Variants in LATS1 observed in about 807,000 individuals in gnomAD.
LATS1 encodes the protein large tumor suppressor kinase 1.
Under a neutral mutation model 106.6 loss-of-function variants are expected in LATS1, and 25 were observed. The observed-to-expected ratio is 0.23, with a 90% CI of 0.17 to 0.33. The LOEUF (loss-of-function observed/expected upper bound fraction) is 0.33. Ranked by LOEUF, LATS1 falls within the 10% of genes least tolerant of loss-of-function variation. The probability of loss-of-function intolerance (pLI) is 1.00; values close to 1 mark genes in which losing one functional copy is unlikely to be tolerated. For synonymous variants in LATS1, 465 were observed against 455.6 expected (o/e 1.02, Z -0.26); for missense variants, 1,040 against 1,382.6 (o/e 0.75, Z 3.93).
In LATS1 at chr6:149,683,487, C is replaced by T. The variant is rs766078121; in HGVS notation, c.1602G>A (p.Glu534=). ...TCACAGTCACATTTGAAGCGGTTCC[C>T]TCAGGAAAAGGACTGGGTTGAACAG... is the stretch of plus-strand genomic sequence containing the variant. The part of the protein sequence containing the change: ...IQTVQPSPFP[E]GTASNVTVMP... Residue 534 remains glutamate (E), a synonymous_variant, in exon 4 of 8, where the codon GAG becomes GAA. Coordinates refer to ENST00000543571, the MANE Select transcript of LATS1 (RefSeq NM_004690.4). 2.5e-6 allele frequency: 4 copies of T among 1,614,042 alleles called. No individual in the cohort carries two copies. The South Asian group carries it at 4.4e-5, about 18-fold the overall frequency.
chr6:149,690,403 G>A (rs1782674460), intron 3 of LATS1, among the ~76,000 whole-genome samples: 1 of 151,422 alleles, frequency 6.6e-6, no homozygotes, highest in Admixed American at 6.6e-5. Context: ...ATTAGACACG[G>A]GGTTTCTCCA....
At chr6:149,690,466 G>T (rs1782679103) in intron 3 of LATS1, among the ~76,000 whole-genome samples, 1 of 151,632 alleles carries the variant, frequency 6.6e-6, no homozygotes, top group Non-Finnish European at 1.5e-5. Context: ...ACCCGCCCCA[G>T]CCTCCCAAAG....
Position 149,679,854 on chromosome 6 carries a change from A to C in LATS1, c.2593+21T>G, listed in dbSNP as rs146195919. 3.6e-4 allele frequency: 529 copies of C among 1,478,280 alleles called. 1 individual carries two copies. The African/African-American group carries it at 6.9e-3, about 19-fold the overall frequency. The allele number at this position is 1,478,280 out of a possible 1,614,324, so 91.6% of individuals were successfully genotyped here. On this transcript the variant is annotated intron_variant, in intron 5 of 7. Coordinates refer to ENST00000543571, the MANE Select transcript of LATS1 (RefSeq NM_004690.4). ...TACATTATTATGAACAAACTAAAAT[A>C]AATTTTATGAGTTTACTTACCACTC...
chr6:149,667,250 C>T (rs1470828340), intron 7 of LATS1, among the ~76,000 whole-genome samples: 1 of 151,666 alleles, frequency 6.6e-6, no homozygotes, highest in East Asian at 1.9e-4. Flanking sequence ...GCCTGGCCAA[C>T]ATGGTGAGAA....
At chr6:149,717,323 C>G (rs1184411944) in intron 1 of LATS1, among the ~76,000 whole-genome samples, 1 of 152,198 alleles carries the variant, frequency 6.6e-6, no homozygotes, top group Non-Finnish European at 1.5e-5. Context: ...TATACACACT[C>G]CTACTCCATA....
chr6:149,677,605 GAT>G (rs1781793915), intron 5 of LATS1, among the ~76,000 whole-genome samples: 1 of 152,266 alleles, frequency 6.6e-6, no homozygotes, highest in East Asian at 1.9e-4. Flanking sequence ...TCCATGTGAA[GAT>G]AGCCAGGAAG....
chr6:149,690,156 T>C (rs1402053509), intron 3 of LATS1, among the ~76,000 whole-genome samples: 1 of 152,028 alleles, frequency 6.6e-6, no homozygotes, highest in Admixed American at 6.6e-5. Context: ...CTTACGTCTG[T>C]TAAATACAAT....
rs767669044 is a variant in LATS1, at chr6:149,662,168, A to G, written c.2954T>C (p.Ile985Thr). 2 of 1,613,866 alleles carry G rather than the reference A, an allele frequency of 1.2e-6. No homozygotes were observed. Among genetic ancestry groups the G allele is most frequent in the Non-Finnish European group, 1.7e-6 (2 of 1,179,990 alleles). The change falls in exon 8 of 8, where the codon ATT becomes ACT. Residue 985 changes from isoleucine (I) to threonine (T), a missense_variant. Physicochemically the swap from Ile to Thr is moderately conservative, Grantham distance 89. Transcript: ENST00000543571. ...AKLSPEASDL[I>T]IKLCRGPEDR... is the part of the protein sequence containing the mutation. ...TTCGGGTCCTCGGCAAAGTTTAATA[A>G]TAAGATCAGAAGCTTCAGGACTGAG...
intron 2 of LATS1, among the ~76,000 whole-genome samples, chr6:149,701,480 C>T (rs746077891): frequency 5.3e-5 from 8 of 152,212 alleles, no homozygotes; most frequent in Admixed American, 6.5e-5. Context: ...GATGTCCTTC[C>T]CCTACCCTCA....
At chr6:149,709,616 T>C (rs1783976723) in intron 1 of LATS1, among the ~76,000 whole-genome samples, 1 of 150,872 alleles carries the variant, frequency 6.6e-6, no homozygotes, top group Non-Finnish European at 1.5e-5. Context: ...AGACATTCCT[T>C]CCTATTGATT....
At chr6:149,695,250 G>A (rs1554235847) in intron 2 of LATS1, 29 bp from the exon 3 acceptor site, 6 of 1,444,470 alleles carry the variant, frequency 4.2e-6, no homozygotes, top group South Asian at 1.2e-5. Flanking sequence ...TAAAAAAAAA[G>A]AAACAAAATT....
chr6:149,698,239 CTTT>C (rs36006005), intron 2 of LATS1, among the ~76,000 whole-genome samples: 132 of 146,260 alleles, frequency 9.0e-4, no homozygotes, highest in Admixed American at 1.6e-3. Context: ...GAATGGGAGT[CTTT>C]TTTTTTTTTT....
chr6:149,709,501 AC>A (rs1783969367), intron 1 of LATS1, among the ~76,000 whole-genome samples: 1 of 152,008 alleles, frequency 6.6e-6, no homozygotes, highest in African/African-American at 2.4e-5. Context: ...GAGAGAATCA[AC>A]CCTGATAAGA....
intron 1 of LATS1, among the ~76,000 whole-genome samples, chr6:149,711,500 T>C (rs538020304): frequency 6.6e-5 from 10 of 152,206 alleles, no homozygotes; most frequent in Non-Finnish European, 1.0e-4. Context: ...GCGGAGATTG[T>C]GCCACTGCAC....
Position 149,718,099 on chromosome 6 carries a change from G to A in LATS1, c.-391C>T, listed in dbSNP as rs531551359. 4.2e-4 allele frequency: 122 copies of A among 289,080 alleles called. No homozygotes were observed. The highest frequency in any genetic ancestry group is 1.7e-3 in the Admixed American group (28 of 16,404). 17.9% of individuals were successfully genotyped at this position (289,080 alleles called of 1,614,324 possible). On this transcript the variant is annotated 5_prime_UTR_variant, in exon 1 of 8. Transcript: ENST00000543571. ...CTCAGTGTCGCCGCCGCCGCACTCC[G>A]CTGCAGGTTTCCCGGATGTGGGCAT...
intron 2 of LATS1, among the ~76,000 whole-genome samples, chr6:149,698,430 G>C (rs1414794525): frequency 6.6e-6 from 1 of 151,940 alleles, no homozygotes; most frequent in Non-Finnish European, 1.5e-5. Context: ...TTTTTTTGTA[G>C]AGACAGGGTC....
rs928969579 is a variant in LATS1, at chr6:149,658,690, A to G, written c.*3039T>C. On this transcript the variant is annotated 3_prime_UTR_variant, in exon 8 of 8. Transcript: ENST00000543571. ...TTGCACTTTGCAACAGCAGAAGGTA[A>G]TAACTTTTTAAAAAAGTCAATCTCA... is the stretch of plus-strand genomic sequence containing the variant. The G allele has an allele frequency of 1.3e-5, 2 of 152,236 alleles. No individual in the cohort carries two copies. Among genetic ancestry groups the G allele is most frequent in the African/African-American group, 2.4e-5 (1 of 41,470 alleles). The allele number at this position is 152,236 out of a possible 1,614,324, so 9.4% of individuals were successfully genotyped here. A position where few individuals can be genotyped will look rare whatever the true frequency, so the allele number is the denominator to read the frequency against.
intron 2 of LATS1, among the ~76,000 whole-genome samples, chr6:149,695,676 GA>G (rs59803714): frequency 0.44 from 58,572 of 134,062 alleles, 13,311 homozygotes; most frequent in East Asian, 0.81. Flanking sequence ...TGCTGTCTTG[GA>G]AAAAAAAAAA....
At chr6:149,716,421 T>C (rs971860790) in intron 1 of LATS1, 4 of 152,372 alleles carry the variant, frequency 2.6e-5, no homozygotes, top group East Asian at 1.9e-4. Context: ...TGAAAAATGA[T>C]TGCTGTTCCT....
Sources: gnomAD v4.1 joint callset for allele counts (sites outside exome capture counted in the v4.1 genomes callset) on GRCh38, gnomAD v4.1.1 for gene constraint, MANE v1.5 for transcripts, NCBI Gene and HGNC (gene_info 2026-07-23, HGNC 2026-07-21) for gene names.